Variants in WIPI1 observed in about 807,000 individuals in gnomAD.
WIPI1 encodes the protein WD repeat domain, phosphoinositide interacting 1, also known as WD repeat domain phosphoinositide-interacting protein 1.
WIPI1 carries 45 observed loss-of-function variants against 55.3 expected under a neutral mutation model. The observed-to-expected ratio is 0.81, with a 90% CI of 0.64 to 1.04. The LOEUF (loss-of-function observed/expected upper bound fraction) is 1.04. Ranked by LOEUF, WIPI1 falls within the 50% of genes least tolerant of loss-of-function variation. The probability of loss-of-function intolerance (pLI) is 0.00; values close to 1 mark genes in which losing one functional copy is unlikely to be tolerated. For synonymous variants in WIPI1, 195 were observed against 217.6 expected (o/e 0.90, Z 0.92); for missense variants, 445 against 559.0 (o/e 0.80, Z 2.06).
At position 68,452,968 on chromosome 17, in the gene WIPI1, G is replaced by A. The variant is rs774794579; in HGVS notation, c.105C>T (p.Ala35=). Residue 35 remains alanine, a synonymous_variant, in exon 2 of 13, where the codon GCC becomes GCT. Coordinates refer to ENST00000262139, the MANE Select transcript of WIPI1 (RefSeq NM_017983.7). ...AACTCAGAGAAAACAGCTTATACCC[G>A]GCTTTAGTTCCAGTTGCTAGGGATC... is the stretch of plus-strand genomic sequence containing the variant. ...DCTSLATGTK[A]GYKLFSLSSV... 1.6e-5 allele frequency: 26 copies of A among 1,613,904 alleles called. No homozygotes were observed. Among genetic ancestry groups the A allele is most frequent in the East Asian group, 4.5e-5 (2 of 44,896 alleles).
chr17:68,430,211 G>T (rs1395267362), intron 8 of WIPI1, 51 bp from the exon 9 acceptor site: 5 of 1,550,002 alleles, frequency 3.2e-6, no homozygotes, highest in Non-Finnish European at 3.5e-6. Flanking sequence ...GGCCCCACAC[G>T]CACCCAGGAA....
intron 9 of WIPI1, among the ~76,000 whole-genome samples, 164 bp downstream of exon 9, chr17:68,429,832 G>C (rs1213896822): frequency 1.3e-5 from 2 of 152,122 alleles, no homozygotes; most frequent in Non-Finnish European, 2.9e-5. Context: ...CAGATGATCT[G>C]CCTGCCTTGG....
In WIPI1 at chr17:68,423,653, G is replaced by A. The variant is rs1280599091; in HGVS notation, c.1294-1833C>T. 6.6e-6 allele frequency among the ~76,000 whole-genome samples: 1 copy of A among 152,140 alleles called. No homozygotes were observed. The highest frequency in any genetic ancestry group is 1.5e-5 in the Non-Finnish European group (1 of 68,032). Reference sequence around the variant, plus strand: ...GAGGGAGAAGAAACAACTGGCTCATGCCCAGCTTCCTGGCACTGAATGGGC... The same window carrying A: ...GAGGGAGAAGAAACAACTGGCTCATACCCAGCTTCCTGGCACTGAATGGGC... On this transcript the variant is annotated intron_variant, in intron 12 of 12. Coordinates refer to ENST00000262139, the MANE Select transcript of WIPI1 (RefSeq NM_017983.7). The surrounding 1 kb of genome is among the most constrained non-coding windows in gnomAD (Gnocchi z 4.4).
Position 68,450,783 on chromosome 17 carries a change from T to C in WIPI1, c.278A>G (p.Glu93Gly). The part of the protein sequence containing the change: ...MNVYHFKKGT[E>G]ICNYSYSSNI... Reference sequence around the variant, plus strand: ...GCTGGAGTAGCTGTAATTACAGATCTCTGTGCCTTTCTTGAAGTGATACAC... The same window carrying C: ...GCTGGAGTAGCTGTAATTACAGATCCCTGTGCCTTTCTTGAAGTGATACAC... Residue 93 changes from glutamate to glycine, a missense_variant, in exon 3 of 13, where the codon GAG becomes GGG. By Grantham distance (98) the Glu-to-Gly change is moderately conservative. Transcript: ENST00000262139. 1 of 1,614,034 alleles carries C rather than the reference T, an allele frequency of 6.2e-7. No individual in the cohort carries two copies. Among genetic ancestry groups the C allele is most frequent in the Non-Finnish European group, 8.5e-7 (1 of 1,179,910 alleles).
intron 12 of WIPI1, chr17:68,424,526 G>C (rs1477452388): frequency 1.9e-6 from 1 of 533,564 alleles, no homozygotes. Context: ...TTGTTTCAGT[G>C]CCCAAGTGGC....
At chr17:68,431,192 A>T (rs553394310) in intron 8 of WIPI1, among the ~76,000 whole-genome samples, 58 of 152,304 alleles carry the variant, frequency 3.8e-4, no homozygotes, top group Non-Finnish European at 7.9e-4. Context: ...AGCAGTTAAT[A>T]TGCGGTGCTG....
chr17:68,426,249 C>T lies in WIPI1; in HGVS notation c.1193-74G>A, dbSNP rs1006226. The T allele has an allele frequency of 6.9e-5, 54 of 787,810 alleles. 7 individuals are homozygous for T. The highest frequency in any genetic ancestry group is 1.8e-4 in the East Asian group (5 of 27,994). 48.8% of individuals were successfully genotyped at this position (787,810 alleles called of 1,614,324 possible). ...ATGCCATGACCTGGCGGGTGGGGAG[C>T]GGGGGCTCAAATAAAGGGCAAAGGA... On this transcript the variant is annotated intron_variant, in intron 11 of 12. Coordinates refer to ENST00000262139, the MANE Select transcript of WIPI1 (RefSeq NM_017983.7).
chr17:68,422,766 G>C (rs1159346925), intron 12 of WIPI1: 1 of 146,900 alleles, frequency 6.8e-6, no homozygotes, highest in African/African-American at 2.5e-5. Context: ...GGGAAGGTCA[G>C]TTTATACCCT....
intron 5 of WIPI1, among the ~76,000 whole-genome samples, chr17:68,435,983 C>A (rs1348919133): frequency 6.6e-6 from 1 of 152,240 alleles, no homozygotes; most frequent in Non-Finnish European, 1.5e-5. Flanking sequence ...CCGTCGCAGG[C>A]GCGCCCTGCA....
At chr17:68,449,232 T>G (rs1212791730) in intron 3 of WIPI1, among the ~76,000 whole-genome samples, 3 of 152,232 alleles carry the variant, frequency 2.0e-5, no homozygotes, top group Non-Finnish European at 4.4e-5. Flanking sequence ...ATTTACTTAT[T>G]TAACAGTCAG....
At chr17:68,431,943 G>C (rs1319708182) in intron 8 of WIPI1, among the ~76,000 whole-genome samples, 1 of 152,154 alleles carries the variant, frequency 6.6e-6, no homozygotes, top group African/African-American at 2.4e-5. Flanking sequence ...GGGGTTGAAC[G>C]GCATCTTAAC....
Position 68,421,656 on chromosome 17 carries a change from C to G in WIPI1, c.*117G>C. On this transcript the variant is annotated 3_prime_UTR_variant, in exon 13 of 13. Transcript: ENST00000262139. ...TCCTGTGGTTTAAGCAGTGGAGCACCCGGGATTCCTGCCCCCCTTTCTGCT... is the reference window on the plus strand; with the variant it reads ...TCCTGTGGTTTAAGCAGTGGAGCACGCGGGATTCCTGCCCCCCTTTCTGCT... The G allele has an allele frequency of 4.1e-6, 6 of 1,455,304 alleles. No individual in the cohort carries two copies. Among genetic ancestry groups the G allele is most frequent in the Non-Finnish European group, 5.8e-6 (6 of 1,041,892 alleles). 90.1% of individuals were successfully genotyped at this position (1,455,304 alleles called of 1,614,324 possible). A position where few individuals can be genotyped will look rare whatever the true frequency, so the allele number is the denominator to read the frequency against.
chr17:68,424,769 C>T (rs2083046583), intron 12 of WIPI1, among the ~76,000 whole-genome samples: 1 of 152,052 alleles, frequency 6.6e-6, no homozygotes, highest in African/African-American at 2.4e-5. Flanking sequence ...TGCAGCTACT[C>T]GGGAGGCTGA....
intron 8 of WIPI1, among the ~76,000 whole-genome samples, chr17:68,430,559 T>G (rs1036377744): frequency 1.3e-5 from 2 of 152,140 alleles, no homozygotes; most frequent in African/African-American, 4.8e-5. Context: ...CAGACAGATC[T>G]CAACGTGAAG....
chr17:68,434,373 G>C (rs2287301), intron 7 of WIPI1, among the ~76,000 whole-genome samples, 183 bp downstream of exon 7: 1 of 152,024 alleles, frequency 6.6e-6, no homozygotes, highest in South Asian at 2.1e-4. Context: ...ACAGCATCTC[G>C]GCTTTCAGTT....
rs928582288 is a variant in WIPI1, at chr17:68,444,381, A to T, written c.430+112T>A. ...AAGCTTCGAGATAAACCTCACTAAG[A>T]CTCAAAAAGCAAACACTGCTTCACG... On this transcript the variant is annotated intron_variant, in intron 4 of 12. Transcript: ENST00000262139. The T allele has an allele frequency of 1.2e-5, 11 of 925,256 alleles. No individual in the cohort carries two copies. The African/African-American group carries it at 1.7e-4, about 14-fold the overall frequency. 57.3% of individuals were successfully genotyped at this position (925,256 alleles called of 1,614,324 possible).
intron 4 of WIPI1, among the ~76,000 whole-genome samples, chr17:68,437,228 A>C (rs2083853806): frequency 6.6e-6 from 1 of 152,010 alleles, no homozygotes; most frequent in Non-Finnish European, 1.5e-5. Context: ...TTCAAGTTGG[A>C]GAAGAGGAGC....
intron 2 of WIPI1, 78 bp from the exon 3 acceptor site, chr17:68,450,975 C>G (rs572204039): frequency 6.6e-7 from 1 of 1,516,802 alleles, no homozygotes. Flanking sequence ...ACACTGGGCC[C>G]GGCGCAGGCC....
chr17:68,433,507 T>G lies in WIPI1; in HGVS notation c.761A>C (p.Glu254Ala). The G allele has an allele frequency of 1.2e-6, 2 of 1,614,064 alleles. No homozygotes were observed. ...TTCCAGCTTGAAGATGTGTACCGTC[T>G]CGGTGTTACTGGAGGCGCAGAGGAA... ...SQFLCASSNT[E>A]TVHIFKLEQV... Residue 254 changes from glutamate (E) to alanine (A), a missense_variant, in exon 8 of 13, where the codon GAG becomes GCG. Transcript: ENST00000262139.
Sources: allele counts gnomAD v4.1 joint callset (sites outside exome capture counted in the v4.1 genomes callset), GRCh38; gene constraint gnomAD v4.1.1; non-coding constraint Gnocchi (gnomAD v3.1); transcripts MANE v1.5; gene names NCBI Gene and HGNC (gene_info 2026-07-23, HGNC 2026-07-21).